Variants in PTPRO observed in about 807,000 individuals in gnomAD.
The protein encoded by PTPRO is protein tyrosine phosphatase receptor type O, also known as receptor-type tyrosine-protein phosphatase O.
Under a neutral mutation model 145.2 loss-of-function variants are expected in PTPRO, and 62 were observed. The observed-to-expected ratio is 0.43, with a 90% CI of 0.35 to 0.53. PTPRO has a LOEUF of 0.53. Ranked by LOEUF, PTPRO falls within the 20% of genes least tolerant of loss-of-function variation. PTPRO has a pLI of 0.01. For synonymous variants in PTPRO, 565 were observed against 514.7 expected, an observed-to-expected ratio of 1.10 and a Z score of -1.32; for missense variants, 1,345 against 1,482.7, an observed-to-expected ratio of 0.91 and a Z score of 1.53.
intron 1 of PTPRO, among the ~76,000 whole-genome samples, chr12:15,463,305 C>T (rs1278411546): frequency 6.6e-6 from 1 of 152,140 alleles, no homozygotes; most frequent in African/African-American, 2.4e-5. Flanking sequence ...ATTTGAATCT[C>T]TGTGGCACCA....
chr12:15,420,927 A>T lies in PTPRO; in HGVS notation c.76-63047A>T, dbSNP rs1369560683. Among the ~76,000 whole-genome samples the T allele has an allele frequency of 3.3e-5, 5 of 152,224 alleles. No individual in the cohort carries two copies. In the East Asian group the frequency reaches 9.6e-4, roughly 29 times the overall value. On this transcript the variant is annotated intron_variant, in intron 1 of 26. Transcript: ENST00000281171. ...ACATACTAAGTATGCAATAAATGTT[A>T]ACTGTGCTGCTGCTGATGATGTACT...
chr12:15,458,347 T>G (rs1941226602), intron 1 of PTPRO, among the ~76,000 whole-genome samples: 1 of 152,074 alleles, frequency 6.6e-6, no homozygotes, highest in Admixed American at 6.5e-5. Context: ...GTCTTTGGAT[T>G]TATCTTATTT....
chr12:15,370,488 A>G (rs1017515913), intron 1 of PTPRO, among the ~76,000 whole-genome samples: 2 of 152,164 alleles, frequency 1.3e-5, no homozygotes, highest in Non-Finnish European at 1.5e-5. Context: ...CATATAGAAA[A>G]CTTCTCAAAG....
At position 15,580,689 on chromosome 12, in the gene PTPRO, T is replaced by A. The variant is rs780434481; in HGVS notation, c.2998-8T>A. ...GGTTAGGTGATAATTTTGTCACTTATCTTTCAGGGATACAACTCACCCCAG... is the reference window on the plus strand; with the variant it reads ...GGTTAGGTGATAATTTTGTCACTTAACTTTCAGGGATACAACTCACCCCAG... On this transcript the variant is annotated splice_polypyrimidine_tract_variant and splice_region_variant and intron_variant, in intron 21 of 26. Coordinates refer to ENST00000281171, the MANE Select transcript of PTPRO (RefSeq NM_030667.3). 6.2e-7 allele frequency: 1 copy of A among 1,614,114 alleles called. No individual in the cohort carries two copies. The highest frequency in any genetic ancestry group is 8.5e-7 in the Non-Finnish European group (1 of 1,179,970).
Position 15,560,267 on chromosome 12 carries a change from T to A in PTPRO, c.2702T>A (p.Ile901Asn). 6.3e-7 allele frequency: 1 copy of A among 1,575,796 alleles called. No homozygotes were observed. Among genetic ancestry groups the A allele is most frequent in the Non-Finnish European group, 8.7e-7 (1 of 1,145,952 alleles). Residue 901 changes from isoleucine to asparagine, a missense_variant, in exon 17 of 27, where the codon ATT (isoleucine) becomes AAT (asparagine). Coordinates refer to ENST00000281171, the MANE Select transcript of PTPRO (RefSeq NM_030667.3). ...ACTGATTATCTTTTGGCATTTTATA[T>A]TAATCCTTGGTAAGTGATTTTTTTT... ...LWTDYLLAFY[I>N]NPWSKNGLKK...
intron 1 of PTPRO, among the ~76,000 whole-genome samples, chr12:15,438,798 A>G (rs950055913): frequency 2.6e-5 from 4 of 152,216 alleles, no homozygotes; most frequent in Admixed American, 6.5e-5. Flanking sequence ...AGAATAATTC[A>G]AGTAACATGC....
intron 10 of PTPRO, among the ~76,000 whole-genome samples, chr12:15,522,845 G>C (rs1232333768): frequency 6.6e-6 from 1 of 152,202 alleles, no homozygotes; most frequent in African/African-American, 2.4e-5. Context: ...TGACATGTGA[G>C]AGGAAAGATA....
chr12:15,447,948 T>C (rs2136372383), intron 1 of PTPRO, among the ~76,000 whole-genome samples: 1 of 152,290 alleles, frequency 6.6e-6, no homozygotes, highest in African/African-American at 2.4e-5. Context: ...CAAACTATAA[T>C]TCCAGTTGAT....
chr12:15,360,911 T>TAC lies in PTPRO; in HGVS notation c.75+38116_75+38117dup, dbSNP rs1053739133. On this transcript the variant is annotated intron_variant, in intron 1 of 26. Transcript: ENST00000281171. Reference sequence around the variant, plus strand: ...ACATGTGTATATACACACACATATATACACACATGTATATACACACACATA... The same window carrying TAC: ...ACATGTGTATATACACACACATATATACACACACATGTATATACACACACATA... 1.5e-4 allele frequency among the ~76,000 whole-genome samples: 21 copies of TAC among 144,814 alleles called. 1 individual carries two copies. The highest frequency in any genetic ancestry group is 5.3e-4 in the African/African-American group (21 of 39,526).
intron 12 of PTPRO, among the ~76,000 whole-genome samples, chr12:15,545,801 A>T (rs887328647): frequency 6.6e-6 from 1 of 152,134 alleles, no homozygotes; most frequent in Admixed American, 6.5e-5. Flanking sequence ...TGGGAGGCCA[A>T]AGTGGGTGGA....
Position 15,546,718 on chromosome 12 carries a change from C to A in PTPRO, c.2304+10C>A. 8 of 1,613,810 alleles carry A rather than the reference C, an allele frequency of 5.0e-6. No homozygotes were observed. The highest frequency in any genetic ancestry group is 6.8e-6 in the Non-Finnish European group (8 of 1,179,840). ...GAAAACCAAACTTCAGGTACTGTAC[C>A]TTTTGATCTACCTTTTCTCAGTTAA... On this transcript the variant is annotated intron_variant, in intron 13 of 26. Coordinates refer to ENST00000281171, the MANE Select transcript of PTPRO (RefSeq NM_030667.3).
At chr12:15,480,878 C>T (rs143843248) in intron 1 of PTPRO, among the ~76,000 whole-genome samples, 2,894 of 152,236 alleles carry the variant, frequency 0.019, 50 homozygotes, top group Non-Finnish European at 0.028. Flanking sequence ...TGTCAACTGC[C>T]CTCCAAAATC....
chr12:15,342,331 T>C (rs951488324), intron 1 of PTPRO, among the ~76,000 whole-genome samples: 1 of 152,216 alleles, frequency 6.6e-6, no homozygotes, highest in Non-Finnish European at 1.5e-5. Flanking sequence ...TCTAATTTCA[T>C]ACCCATACCA....
chr12:15,426,406 G>A (rs1940287382), intron 1 of PTPRO, among the ~76,000 whole-genome samples: 1 of 151,614 alleles, frequency 6.6e-6, no homozygotes, highest in Non-Finnish European at 1.5e-5. Context: ...TAATTATATT[G>A]TCTCATTGTG....
intron 2 of PTPRO, among the ~76,000 whole-genome samples, chr12:15,495,545 G>A (rs1011734555): frequency 6.6e-6 from 1 of 151,886 alleles, no homozygotes; most frequent in Non-Finnish European, 1.5e-5. Context: ...TTCTAAAAGT[G>A]TGAATCAAAA....
chr12:15,560,220 C>G lies in PTPRO; in HGVS notation c.2655C>G (p.Thr885=), dbSNP rs998592617. ...GTAGGAGTATATTTGCTTTCTTAAC[C>G]CTGCTACCCTCATGTCTTTGGACTG... ...NWRRSIFAFL[T]LLPSCLWTDY... Residue 885 remains threonine (T), a synonymous_variant, in exon 17 of 27, where the codon ACC becomes ACG. Coordinates refer to ENST00000281171, the MANE Select transcript of PTPRO (RefSeq NM_030667.3). 6.3e-7 allele frequency: 1 copy of G among 1,595,672 alleles called. No individual in the cohort carries two copies. The highest frequency in any genetic ancestry group is 1.3e-5 in the African/African-American group (1 of 74,514).
intron 1 of PTPRO, among the ~76,000 whole-genome samples, chr12:15,347,885 C>T (rs1383732983): frequency 6.6e-6 from 1 of 152,058 alleles, no homozygotes; most frequent in Admixed American, 6.5e-5. Flanking sequence ...GATGAGAATA[C>T]CAGATTATAC....
intron 1 of PTPRO, among the ~76,000 whole-genome samples, chr12:15,395,441 A>G (rs1939309211): frequency 6.6e-6 from 1 of 152,102 alleles, no homozygotes; most frequent in African/African-American, 2.4e-5. Flanking sequence ...CATAAGTCAA[A>G]ATATAAGAGA....
chr12:15,379,274 C>T (rs1938782788), intron 1 of PTPRO, among the ~76,000 whole-genome samples: 1 of 151,376 alleles, frequency 6.6e-6, no homozygotes, highest in Non-Finnish European at 1.5e-5. Flanking sequence ...AATCCCAGCA[C>T]TTTGGAGGCA....
Sources: allele counts gnomAD v4.1 joint callset (sites outside exome capture counted in the v4.1 genomes callset), GRCh38; gene constraint gnomAD v4.1.1; transcripts MANE v1.5; gene names NCBI Gene and HGNC (gene_info 2026-07-23, HGNC 2026-07-21).